TWSG1: variants seen among roughly 807,000 people sequenced by gnomAD.
The protein encoded by TWSG1 is twisted gastrulation protein homolog 1.
Under a neutral mutation model 23.0 loss-of-function variants are expected in TWSG1, and 15 were observed. The ratio of observed to expected loss-of-function variants is 0.65; its 90% CI spans 0.44 to 1.00. The LOEUF (loss-of-function observed/expected upper bound fraction) is 1.00, where lower values mean the gene tolerates loss of function less well. TWSG1 is among the 50% of genes least tolerant of loss of function. The pLI, the probability that TWSG1 is intolerant of heterozygous loss-of-function variation, is 0.00. For missense variants in TWSG1, 242 were observed against 278.7 expected (o/e 0.87, Z 0.94); for synonymous variants, 86 against 92.8 (o/e 0.93, Z 0.42).
intron 3 of TWSG1, among the ~76,000 whole-genome samples, chr18:9,366,482 T>A (rs1210311029): frequency 6.6e-6 from 1 of 152,240 alleles, no homozygotes; most frequent in Admixed American, 6.5e-5. Flanking sequence ...TCCTTAATCC[T>A]GCTCTTTGTT....
Position 9,344,523 on chromosome 18 carries a change from A to G in TWSG1, c.123+7171A>G, listed in dbSNP as rs7235156. On this transcript the variant is annotated intron_variant, in intron 2 of 4. Coordinates refer to ENST00000262120, the MANE Select transcript of TWSG1 (RefSeq NM_020648.6). ...TGTGTGTGTGTGTGTGTGTGTGTGT[A>G]TGTATGTATTTTTTTTTTTTTTTGA... Among the ~76,000 whole-genome samples the G allele has an allele frequency of 8.5e-3, 917 of 107,942 alleles. 21 individuals are homozygous for G. Among genetic ancestry groups the G allele is most frequent in the African/African-American group, 0.027 (727 of 26,762 alleles). 70.8% of individuals were successfully genotyped at this position (107,942 alleles called of 152,430 possible).
At chr18:9,398,919 A>C (rs1437799705) in intron 4 of TWSG1, among the ~76,000 whole-genome samples, 1 of 152,056 alleles carries the variant, frequency 6.6e-6, no homozygotes, top group Non-Finnish European at 1.5e-5. Flanking sequence ...TGAGGCAGAG[A>C]ATCACTTGAA....
chr18:9,354,945 G>T (rs2040518060), intron 2 of TWSG1, among the ~76,000 whole-genome samples: 1 of 151,878 alleles, frequency 6.6e-6, no homozygotes, highest in Non-Finnish European at 1.5e-5. Context: ...AAGTGAAACA[G>T]CTAGGGGTAA....
intron 3 of TWSG1, among the ~76,000 whole-genome samples, chr18:9,360,496 G>A (rs191525050): frequency 4.6e-5 from 7 of 152,184 alleles, no homozygotes; most frequent in Non-Finnish European, 8.8e-5. Flanking sequence ...GAAAACTTAC[G>A]TGTGTAGGAA....
At chr18:9,371,939 G>A (rs1380458183) in intron 3 of TWSG1, among the ~76,000 whole-genome samples, 5 of 151,406 alleles carry the variant, frequency 3.3e-5, no homozygotes, top group Admixed American at 1.3e-4. Flanking sequence ...CTAATGTTTT[G>A]TATTTTTAGT....
intron 2 of TWSG1, among the ~76,000 whole-genome samples, chr18:9,355,317 T>C (rs1467808118): frequency 6.6e-6 from 1 of 152,198 alleles, no homozygotes; most frequent in African/African-American, 2.4e-5. Context: ...GGGGCAGTTT[T>C]TATGTTTTTC....
intron 2 of TWSG1, among the ~76,000 whole-genome samples, chr18:9,341,466 TCTAA>T (rs1337878318): frequency 6.6e-6 from 1 of 152,220 alleles, no homozygotes; most frequent in Non-Finnish European, 1.5e-5. Context: ...CCGCTTTTAA[TCTAA>T]CTCTTATATT....
chr18:9,359,184 C>A (rs1472595237), intron 2 of TWSG1, among the ~76,000 whole-genome samples: 1 of 151,472 alleles, frequency 6.6e-6, no homozygotes, highest in Non-Finnish European at 1.5e-5. Context: ...TGTCTGTTGG[C>A]AGCTGCTGGT....
At chr18:9,382,671 G>A (rs577271704) in intron 3 of TWSG1, among the ~76,000 whole-genome samples, 1 of 152,036 alleles carries the variant, frequency 6.6e-6, no homozygotes, top group South Asian at 2.1e-4. Context: ...GCTGGGCGTG[G>A]TGGTGGGTGC....
chr18:9,397,782 C>T (rs1346335184), intron 4 of TWSG1, among the ~76,000 whole-genome samples: 1 of 151,984 alleles, frequency 6.6e-6, no homozygotes, highest in Non-Finnish European at 1.5e-5. Flanking sequence ...GAGGCGGGCA[C>T]ATCACCTGAG....
chr18:9,347,767 A>G (rs1198231736), intron 2 of TWSG1, among the ~76,000 whole-genome samples: 1 of 151,996 alleles, frequency 6.6e-6, no homozygotes, highest in Non-Finnish European at 1.5e-5. Flanking sequence ...AATAACTTTT[A>G]CATTTCAAGA....
chr18:9,380,133 A>T (rs2040649610), intron 3 of TWSG1, among the ~76,000 whole-genome samples: 1 of 152,244 alleles, frequency 6.6e-6, no homozygotes, highest in African/African-American at 2.4e-5. Context: ...TGATCTAGTC[A>T]GTCATGGAAT....
intron 3 of TWSG1, among the ~76,000 whole-genome samples, chr18:9,384,092 G>A (rs969293216): frequency 2.6e-5 from 4 of 152,160 alleles, no homozygotes; most frequent in Admixed American, 6.5e-5. Context: ...CTTGGTCTAG[G>A]ATGATAGCAG....
intron 2 of TWSG1, among the ~76,000 whole-genome samples, chr18:9,350,089 G>C (rs770815217): frequency 6.6e-6 from 1 of 151,884 alleles, no homozygotes; most frequent in Non-Finnish European, 1.5e-5. Context: ...GCAGTGAGCC[G>C]AGATCGTGCC....
chr18:9,401,043 G>T lies in TWSG1; in HGVS notation c.*1516G>T, dbSNP rs1182462869. On this transcript the variant is annotated 3_prime_UTR_variant, in exon 5 of 5. Coordinates refer to ENST00000262120, the MANE Select transcript of TWSG1 (RefSeq NM_020648.6). ...ATAGTAGTTAGTTAAAAGATCATTT[G>T]TAATATTATGATCAACTGTTATAAA... is the stretch of plus-strand genomic sequence containing the variant. The T allele has an allele frequency of 6.6e-6, 1 of 152,132 alleles. No homozygotes were observed. The allele number at this position is 152,132 out of a possible 1,614,324, so 9.4% of individuals were successfully genotyped here.
intron 4 of TWSG1, 197 bp downstream of exon 4, chr18:9,396,743 A>AG: frequency 1.5e-6 from 1 of 678,444 alleles, no homozygotes; most frequent in South Asian, 2.2e-5. Flanking sequence ...GAGAAAAAAA[A>AG]TATCTCCAAT....
At chr18:9,379,205 T>C (rs950369139) in intron 3 of TWSG1, among the ~76,000 whole-genome samples, 2 of 152,092 alleles carry the variant, frequency 1.3e-5, no homozygotes, top group Non-Finnish European at 2.9e-5. Flanking sequence ...TCATTCTACC[T>C]TAAAGACACA....
chr18:9,379,889 T>C (rs1043695422), intron 3 of TWSG1, among the ~76,000 whole-genome samples: 1 of 152,198 alleles, frequency 6.6e-6, no homozygotes, highest in Non-Finnish European at 1.5e-5. Flanking sequence ...ATAAACATGG[T>C]ATCACTTTGT....
At chr18:9,346,608 G>GA (rs375928382) in intron 2 of TWSG1, among the ~76,000 whole-genome samples, 1 of 151,090 alleles carries the variant, frequency 6.6e-6, no homozygotes, top group African/African-American at 2.4e-5. Flanking sequence ...TCTACCAAAA[G>GA]AAAAAAAAAG....
Sources: gnomAD v4.1 joint callset for allele counts (sites outside exome capture counted in the v4.1 genomes callset) on GRCh38, gnomAD v4.1.1 for gene constraint, MANE v1.5 for transcripts, NCBI Gene and HGNC (gene_info 2026-07-23, HGNC 2026-07-21) for gene names.